Variants in F13A1 observed in about 807,000 individuals in gnomAD.
F13A1 encodes FSF, A subunit.
A neutral mutation model predicts 80.1 loss-of-function variants in F13A1; 47 were observed. The observed-to-expected ratio is 0.59, with a 90% CI of 0.46 to 0.75. The LOEUF (loss-of-function observed/expected upper bound fraction) is 0.75. Ranked by LOEUF, F13A1 falls within the 30% of genes least tolerant of loss-of-function variation. The pLI, the probability that F13A1 is intolerant of heterozygous loss-of-function variation, is 0.00. For synonymous variants in F13A1, 349 were observed against 344.9 expected, an observed-to-expected ratio of 1.01 and a Z score of -0.13; for missense variants, 817 against 930.4, an observed-to-expected ratio of 0.88 and a Z score of 1.59.
At chr6:6,253,401 G>T (rs1757661427) in intron 4 of F13A1, among the ~76,000 whole-genome samples, 1 of 152,222 alleles carries the variant, frequency 6.6e-6, no homozygotes, top group Admixed American at 6.5e-5. Context: ...AGCAAGTAGG[G>T]GTCTAAAATA....
chr6:6,174,850 A>G lies in F13A1; in HGVS notation c.1477T>C (p.Leu493=), dbSNP rs746944203. 5 of 1,614,170 alleles carry G rather than the reference A, an allele frequency of 3.1e-6. No homozygotes were observed. The highest frequency in any genetic ancestry group is 1.1e-5 in the South Asian group (1 of 91,076). The part of the protein sequence containing the change: ...KFQEGQEEER[L]ALETALMYGA... ...TACATCAGGGCAGTTTCTAGGGCCA[A>G]TCTCTCTTCTTCTTGACCTGGGGGA... is the stretch of plus-strand genomic sequence containing the variant. Residue 493 remains leucine (L), a synonymous_variant, in exon 12 of 15, where the codon TTG becomes CTG. Coordinates refer to ENST00000264870, the MANE Select transcript of F13A1 (RefSeq NM_000129.4).
intron 10 of F13A1, 104 bp downstream of exon 10, chr6:6,195,693 C>G: frequency 1.0e-6 from 1 of 974,060 alleles, no homozygotes; most frequent in South Asian, 1.4e-5. Flanking sequence ...ACGAAGCATA[C>G]GCTATGTACC....
chr6:6,304,416 T>C (rs1758481430), intron 3 of F13A1, among the ~76,000 whole-genome samples: 1 of 152,160 alleles, frequency 6.6e-6, no homozygotes, highest in Non-Finnish European at 1.5e-5. Context: ...TCTTATAAAT[T>C]CCTATAGAAA....
At chr6:6,152,703 C>T (rs993590953) in intron 13 of F13A1, among the ~76,000 whole-genome samples, 34 of 152,210 alleles carry the variant, frequency 2.2e-4, no homozygotes, top group East Asian at 7.7e-4. Flanking sequence ...TTTTATGGGG[C>T]GATCTATGTA....
intron 3 of F13A1, among the ~76,000 whole-genome samples, chr6:6,296,658 G>C (rs1758332963): frequency 1.3e-5 from 2 of 148,582 alleles, no homozygotes; most frequent in Non-Finnish European, 3.0e-5. Context: ...TGAGACAATG[G>C]GGTTTTCTAG....
chr6:6,180,700 A>G (rs755347992), intron 11 of F13A1, among the ~76,000 whole-genome samples: 4 of 152,224 alleles, frequency 2.6e-5, no homozygotes, highest in Non-Finnish European at 5.9e-5. Context: ...CCAACAGAAG[A>G]GGAAAATGAA....
chr6:6,169,759 A>G (rs1394176979), intron 12 of F13A1, among the ~76,000 whole-genome samples: 1 of 152,202 alleles, frequency 6.6e-6, no homozygotes, highest in Non-Finnish European at 1.5e-5. Flanking sequence ...CCCACAACAA[A>G]GTATCCAGCC....
intron 13 of F13A1, among the ~76,000 whole-genome samples, chr6:6,155,176 A>G (rs1008835097): frequency 1.3e-5 from 2 of 152,228 alleles, no homozygotes; most frequent in East Asian, 3.8e-4. Context: ...CTGGCTCTAC[A>G]TGAAGCCTCC....
Position 6,318,566 on chromosome 6 carries a change from C to G in F13A1, c.99G>C (p.Gln33His), listed in dbSNP as rs1426746412. Residue 33 changes from glutamine to histidine, a missense_variant, in exon 2 of 15, where the codon CAG (glutamine) becomes CAC (histidine). Physicochemically the swap from Gln to His is conservative, Grantham distance 24. Transcript: ENST00000264870. ...GGTTGACGCCCCGGGGCACCACGCC[C>G]TGAAGCTCCACTGTGGGCAGGTCAT... ...AEDDLPTVELQGVVPRGVNLQ... is the reference protein window; with the variant it reads ...AEDDLPTVELHGVVPRGVNLQ... 6.2e-7 allele frequency: 1 copy of G among 1,613,628 alleles called. No individual in the cohort carries two copies. Among genetic ancestry groups the G allele is most frequent in the African/African-American group, 1.3e-5 (1 of 74,878 alleles).
intron 3 of F13A1, among the ~76,000 whole-genome samples, chr6:6,304,113 C>T (rs754124492): frequency 4.6e-5 from 7 of 152,130 alleles, no homozygotes; most frequent in Non-Finnish European, 1.0e-4. Flanking sequence ...ATGATGATAG[C>T]AGGCATTTCT....
chr6:6,251,384 C>T (rs1451499400), intron 4 of F13A1, among the ~76,000 whole-genome samples: 3 of 149,402 alleles, frequency 2.0e-5, no homozygotes, highest in Non-Finnish European at 4.4e-5. Context: ...GCCCACGTGT[C>T]ATGTCTGTTT....
chr6:6,179,526 C>T (rs553250242), intron 11 of F13A1, among the ~76,000 whole-genome samples: 2 of 152,262 alleles, frequency 1.3e-5, no homozygotes, highest in East Asian at 1.9e-4. Flanking sequence ...ACGGATATGA[C>T]GAGTCCTCAC....
intron 13 of F13A1, among the ~76,000 whole-genome samples, chr6:6,153,974 T>C (rs1053871014): frequency 2.0e-5 from 3 of 152,044 alleles, no homozygotes; most frequent in Non-Finnish European, 4.4e-5. Context: ...AATAGGTAAC[T>C]TGAATGAGGA....
intron 13 of F13A1, among the ~76,000 whole-genome samples, chr6:6,166,214 T>C (rs1383581540): frequency 1.3e-5 from 2 of 152,250 alleles, no homozygotes; most frequent in Admixed American, 1.3e-4. Context: ...GTGATGCCAG[T>C]ACTCTTTACC....
intron 4 of F13A1, among the ~76,000 whole-genome samples, chr6:6,251,684 G>A (rs762086304): frequency 1.1e-4 from 17 of 152,150 alleles, no homozygotes; most frequent in Admixed American, 2.0e-4. Context: ...TTTGGGACAG[G>A]CATCTAAGCG....
At chr6:6,300,816 G>T in intron 3 of F13A1, among the ~76,000 whole-genome samples, 1 of 123,094 alleles carries the variant, frequency 8.1e-6, no homozygotes. Flanking sequence ...ATTTATTCTC[G>T]TCTGTTTTTT....
intron 10 of F13A1, 100 bp downstream of exon 10, chr6:6,195,697 A>G (rs1311397238): frequency 4.9e-6 from 5 of 1,019,988 alleles, no homozygotes; most frequent in Non-Finnish European, 7.6e-6. Context: ...AGCATACGCT[A>G]TGTACCTGGA....
intron 10 of F13A1, among the ~76,000 whole-genome samples, chr6:6,183,493 G>A (rs1761024911): frequency 6.6e-6 from 1 of 152,216 alleles, no homozygotes; most frequent in South Asian, 2.1e-4. Context: ...AGAGTCACCT[G>A]GAGAACTTTA....
intron 8 of F13A1, among the ~76,000 whole-genome samples, chr6:6,202,451 G>C (rs1000529535): frequency 6.6e-6 from 1 of 152,216 alleles, no homozygotes; most frequent in Admixed American, 6.5e-5. Flanking sequence ...CTCAGTAAGT[G>C]TTGGCTAAAT....
Sources: gnomAD v4.1 joint callset for allele counts (sites outside exome capture counted in the v4.1 genomes callset) on GRCh38, gnomAD v4.1.1 for gene constraint, MANE v1.5 for transcripts, NCBI Gene and HGNC (gene_info 2026-07-23, HGNC 2026-07-21) for gene names.